The following SAXO1 variants were observed in gnomAD, a reference collection of about 807,000 sequenced individuals.
SAXO1 encodes 4930500O09Rik.
A neutral mutation model predicts 17.5 loss-of-function variants in SAXO1; 21 were observed. The observed-to-expected ratio is 1.20, with a 90% CI of 0.85 to 1.72. The LOEUF (loss-of-function observed/expected upper bound fraction) is 1.72. SAXO1 is among the 40% of genes most tolerant of loss of function. The pLI, the probability that SAXO1 is intolerant of heterozygous loss-of-function variation, is 0.00. For synonymous variants in SAXO1, 274 were observed against 216.5 expected (o/e 1.27, Z -2.33); for missense variants, 843 against 596.0 (o/e 1.41, Z -4.32).
rs151095282 is a variant in SAXO1 at position 18,928,245 on chromosome 9, C to G, written c.1232G>C (p.Ser411Thr). The change falls in exon 4 of 4, where the codon AGC becomes ACC. Residue 411 changes from serine (S) to threonine (T), a missense_variant. Transcript: ENST00000380534. ...PVESQTTYTISFTPKEMGRCL... is the reference protein window; with the variant it reads ...PVESQTTYTITFTPKEMGRCL... ...CCTGCCCATTTCCTTGGGAGTAAAGCTGATGGTGTAGGTGGTCTGGCTTTC... is the reference window on the plus strand; with the variant it reads ...CCTGCCCATTTCCTTGGGAGTAAAGGTGATGGTGTAGGTGGTCTGGCTTTC... 1 of 1,613,966 alleles carries G rather than the reference C, an allele frequency of 6.2e-7. No individual in the cohort carries two copies. Among genetic ancestry groups the G allele is most frequent in the Non-Finnish European group, 8.5e-7 (1 of 1,179,908 alleles).
chr9:18,947,903 T>A (rs1390655020), intron 2 of SAXO1, among the ~76,000 whole-genome samples: 1 of 152,132 alleles, frequency 6.6e-6, no homozygotes, highest in Non-Finnish European at 1.5e-5. Flanking sequence ...AAACCAGGTG[T>A]TTTTTTGTGT....
chr9:18,984,322 A>G (rs1833509395), intron 1 of SAXO1, among the ~76,000 whole-genome samples: 1 of 152,198 alleles, frequency 6.6e-6, no homozygotes, highest in South Asian at 2.1e-4. Flanking sequence ...CGCCCCTAAC[A>G]AGAGTGTCAG....
At chr9:18,932,806 C>T (rs993881250) in intron 3 of SAXO1, among the ~76,000 whole-genome samples, 4 of 152,142 alleles carry the variant, frequency 2.6e-5, no homozygotes, top group African/African-American at 7.2e-5. Context: ...AAAAAGAGAA[C>T]AGTTTTCTTG....
At chr9:18,932,151 C>A (rs957855533) in intron 3 of SAXO1, among the ~76,000 whole-genome samples, 1 of 152,142 alleles carries the variant, frequency 6.6e-6, no homozygotes, top group Non-Finnish European at 1.5e-5. Context: ...GATTTTTCTC[C>A]CATGTTTTAT....
Position 18,928,951 on chromosome 9 carries a change from C to T in SAXO1, c.526G>A (p.Asp176Asn), listed in dbSNP as rs755681221. ...RFDNRTTHQD[D>N]YPIKGLVKTI... ...TTCACAAGGCCTTTTATGGGGTAAT[C>T]GTCCTGGTGTGTGGTTCTGTTATCA... Residue 176 changes from aspartate to asparagine, a missense_variant, in exon 4 of 4, where the codon GAT becomes AAT. Asp to Asn is a conservative substitution (Grantham distance 23, BLOSUM62 1). Coordinates refer to ENST00000380534, the MANE Select transcript of SAXO1 (RefSeq NM_153707.4). 2.2e-5 allele frequency: 35 copies of T among 1,614,066 alleles called. No homozygotes were observed. Among genetic ancestry groups the T allele is most frequent in the Middle Eastern group, 3.3e-4 (2 of 6,084 alleles).
intron 1 of SAXO1, among the ~76,000 whole-genome samples, chr9:18,955,173 C>G (rs1832206834): frequency 6.6e-6 from 1 of 152,118 alleles, no homozygotes; most frequent in South Asian, 2.1e-4. Flanking sequence ...AGCCACTGCA[C>G]TCCAGCCTGG....
At chr9:18,959,769 C>T (rs1226176946) in intron 1 of SAXO1, among the ~76,000 whole-genome samples, 6 of 139,746 alleles carry the variant, frequency 4.3e-5, no homozygotes, top group Admixed American at 6.8e-5. Flanking sequence ...GAAACTCTGT[C>T]TAAGAAAAAA....
chr9:18,956,844 A>G (rs1009433090), intron 1 of SAXO1, among the ~76,000 whole-genome samples: 1 of 152,230 alleles, frequency 6.6e-6, no homozygotes, highest in African/African-American at 2.4e-5. Flanking sequence ...ATCTAATCTC[A>G]CAGCAATGCG....
At chr9:19,036,658 G>T (rs187968901), upstream of SAXO1, among the ~76,000 whole-genome samples, 1 of 152,318 alleles carries the variant, frequency 6.6e-6, no homozygotes, top group Admixed American at 6.5e-5. Flanking sequence ...AAGAATTGAG[G>T]TTTGGGAATC....
intron 1 of SAXO1, among the ~76,000 whole-genome samples, chr9:19,025,183 A>C (rs1300943871): frequency 6.6e-6 from 1 of 152,188 alleles, no homozygotes; most frequent in East Asian, 1.9e-4. Flanking sequence ...CTTAACGTGA[A>C]AGTTTTTCTT....
intron 1 of SAXO1, among the ~76,000 whole-genome samples, chr9:18,975,593 G>C (rs1833115098): frequency 6.6e-6 from 1 of 152,166 alleles, no homozygotes; most frequent in Non-Finnish European, 1.5e-5. Context: ...AGTGTCAATT[G>C]ATCAAAGGAT....
At chr9:18,948,522 C>A (rs907047895) in intron 2 of SAXO1, among the ~76,000 whole-genome samples, 1 of 152,066 alleles carries the variant, frequency 6.6e-6, no homozygotes, top group Non-Finnish European at 1.5e-5. Context: ...ACTCTGACTC[C>A]GGCAGGGGCA....
At chr9:18,936,479 G>T (rs191846438) in intron 3 of SAXO1, among the ~76,000 whole-genome samples, 2 of 152,210 alleles carry the variant, frequency 1.3e-5, no homozygotes, top group South Asian at 2.1e-4. Flanking sequence ...TCTCTTCTGT[G>T]ATGGATGAAG....
At position 18,941,833 on chromosome 9, in the gene SAXO1, A is replaced by G. The variant is rs764188033; in HGVS notation, c.225T>C (p.Asp75=). Residue 75 remains aspartate (D), a synonymous_variant, in exon 3 of 4, where the codon GAT becomes GAC. Transcript: ENST00000380534. ...PMEGLTTSRR[D]FGPHKVAPVK... is the part of the protein sequence containing the mutation. Reference sequence around the variant, plus strand: ...CTGGTGCCACTTTGTGAGGCCCAAAATCTCTCCTGTAAGGAAGCAAGTGCA... The same window carrying G: ...CTGGTGCCACTTTGTGAGGCCCAAAGTCTCTCCTGTAAGGAAGCAAGTGCA... 1.9e-6 allele frequency: 3 copies of G among 1,614,120 alleles called. No homozygotes were observed. Among genetic ancestry groups the G allele is most frequent in the Middle Eastern group, 1.7e-4 (1 of 6,060 alleles).
At chr9:18,934,033 C>T (rs186873407) in intron 3 of SAXO1, among the ~76,000 whole-genome samples, 60 of 151,886 alleles carry the variant, frequency 4.0e-4, no homozygotes, top group African/African-American at 1.4e-3. Flanking sequence ...AGTGACAGAG[C>T]GAGACTCCGT....
chr9:18,994,266 C>T (rs1411946849), intron 1 of SAXO1, among the ~76,000 whole-genome samples: 1 of 152,032 alleles, frequency 6.6e-6, no homozygotes, highest in African/African-American at 2.4e-5. Flanking sequence ...ACATTTTCTC[C>T]CTTAAGCCAC....
At chr9:18,944,534 C>G (rs1285359587) in intron 2 of SAXO1, among the ~76,000 whole-genome samples, 1 of 152,180 alleles carries the variant, frequency 6.6e-6, no homozygotes, top group Admixed American at 6.5e-5. Context: ...GTACATTTCC[C>G]AGTCTCTGTG....
At chr9:18,929,202 C>T (rs752505159) in intron 3 of SAXO1, 147 bp from the exon 4 acceptor site, 48 of 894,314 alleles carry the variant, frequency 5.4e-5, no homozygotes, top group Non-Finnish European at 7.8e-5. Context: ...GCTACCACTT[C>T]ATTCAAACAC....
At chr9:19,001,960 G>A (rs569044855) in intron 1 of SAXO1, among the ~76,000 whole-genome samples, 9 of 152,188 alleles carry the variant, frequency 5.9e-5, no homozygotes, top group African/African-American at 2.2e-4. Flanking sequence ...TCCAGGAGCT[G>A]GTTTTTTGGA....
Sources: allele counts gnomAD v4.1 joint callset (sites outside exome capture counted in the v4.1 genomes callset), GRCh38; gene constraint gnomAD v4.1.1; transcripts MANE v1.5; gene names NCBI Gene and HGNC (gene_info 2026-07-23, HGNC 2026-07-21).